Variants in ZNF727 observed in about 807,000 individuals in gnomAD.
ZNF727 encodes zinc finger protein 727.
In ZNF727, 11 loss-of-function variants were observed where a neutral mutation model predicts 11.5. That is an observed-to-expected ratio of 0.95 (90% CI 0.60 to 1.58). ZNF727 has a LOEUF of 1.58. ZNF727 is among the 40% of genes most tolerant of loss of function. ZNF727 has a pLI of 0.00. For synonymous variants in ZNF727, 171 were observed against 196.1 expected, an observed-to-expected ratio of 0.87 and a Z score of 1.07; for missense variants, 533 against 581.7, an observed-to-expected ratio of 0.92 and a Z score of 0.86.
In ZNF727 at chr7:64,077,721, A is replaced by C. The variant is rs1785700355; in HGVS notation, c.672A>C (p.Gly224=). The C allele has an allele frequency of 6.3e-7, 1 of 1,581,554 alleles. No homozygotes were observed. Among genetic ancestry groups the C allele is most frequent in the African/African-American group, 1.4e-5 (1 of 73,838 alleles). The part of the protein sequence containing the change: ...NLTEHNRVHT[G]KKPYKCEECG... ...CTGAACATAATAGAGTTCATACTGG[A>C]AAGAAACCCTACAAATGTGAAGAAT... is the stretch of plus-strand genomic sequence containing the variant. Residue 224 remains glycine, a synonymous_variant, in exon 4 of 4, where the codon GGA becomes GGC. Coordinates refer to ENST00000456806, the MANE Select transcript of ZNF727 (RefSeq NM_001159522.3).
intron 3 of ZNF727, among the ~76,000 whole-genome samples, chr7:64,075,909 A>C (rs995736716): frequency 6.6e-6 from 1 of 152,198 alleles, no homozygotes; most frequent in Non-Finnish European, 1.5e-5. Context: ...AAAATACCAA[A>C]ATATGTGCTC....
intron 1 of ZNF727, among the ~76,000 whole-genome samples, chr7:64,057,403 A>G (rs1267383521): frequency 6.6e-6 from 1 of 152,200 alleles, no homozygotes; most frequent in Non-Finnish European, 1.5e-5. Context: ...CATGTTCTTG[A>G]CAAGGACATG....
At position 64,045,456 on chromosome 7, in the gene ZNF727, C is replaced by G. The variant is rs572456571; in HGVS notation, c.-166C>G. 1.5e-4 allele frequency: 144 copies of G among 986,868 alleles called. No individual in the cohort carries two copies. In the South Asian group the frequency reaches 1.8e-3, roughly 13 times the overall value. The allele number at this position is 986,868 out of a possible 1,614,324, so 61.1% of individuals were successfully genotyped here. ...GGCGGGCTCTTCAATATGGCAAGGC[C>G]TTCGTCTCCTAGCTTCTAGGCTCTG... On this transcript the variant is annotated 5_prime_UTR_variant, in exon 1 of 4. Transcript: ENST00000456806.
chr7:64,074,774 T>G (rs1385119118), intron 3 of ZNF727, among the ~76,000 whole-genome samples: 1 of 152,170 alleles, frequency 6.6e-6, no homozygotes, highest in Non-Finnish European at 1.5e-5. Flanking sequence ...GAAATGCCTG[T>G]ACTGTGGAAT....
At chr7:64,073,612 C>CT (rs1385124320) in intron 3 of ZNF727, among the ~76,000 whole-genome samples, 2 of 151,802 alleles carry the variant, frequency 1.3e-5, no homozygotes, top group East Asian at 1.9e-4. Flanking sequence ...TCATGTCATC[C>CT]TTTTTTGAAA....
At chr7:64,045,763 T>G (rs974311780) in intron 1 of ZNF727, 139 bp downstream of exon 1, 7 of 1,108,002 alleles carry the variant, frequency 6.3e-6, no homozygotes, top group African/African-American at 1.6e-5. Context: ...CAGTCCTCAC[T>G]TCCCTCCGTC....
chr7:64,071,937 T>C (rs1261185304), intron 3 of ZNF727, among the ~76,000 whole-genome samples: 2 of 152,108 alleles, frequency 1.3e-5, no homozygotes, highest in Non-Finnish European at 2.9e-5. Flanking sequence ...TCCACTGATA[T>C]CGGTGTGCAT....
chr7:64,062,696 A>ATATATATATATATATATATATATATG (rs1789791711), intron 1 of ZNF727, among the ~76,000 whole-genome samples: 2 of 143,426 alleles, frequency 1.4e-5, no homozygotes, highest in Non-Finnish European at 3.1e-5. Context: ...ATATATATAT[A>ATATATATATATATATATATATATATG]TATATATGAA....
chr7:64,061,967 C>T (rs1164063804), intron 1 of ZNF727, among the ~76,000 whole-genome samples: 2 of 151,966 alleles, frequency 1.3e-5, no homozygotes, highest in Admixed American at 6.6e-5. Context: ...AATGAACAAA[C>T]AAGCAAAGAG....
intron 3 of ZNF727, among the ~76,000 whole-genome samples, chr7:64,071,436 A>T (rs1449838238): frequency 6.6e-6 from 1 of 151,676 alleles, no homozygotes; most frequent in Non-Finnish European, 1.5e-5. Flanking sequence ...TTAGTCCTTG[A>T]CTTATTTTTA....
chr7:64,068,740 A>G (rs899615020), intron 1 of ZNF727, 151 bp from the exon 2 acceptor site: 11 of 942,228 alleles, frequency 1.2e-5, no homozygotes, highest in South Asian at 6.9e-5. Context: ...TTAAAAATAC[A>G]TTAGAGAATA....
At position 64,081,960 on chromosome 7, in the gene ZNF727, C is replaced by T. The variant is rs1033981370; in HGVS notation, c.*3411C>T. Among the ~76,000 whole-genome samples, 17 of 151,942 alleles carry T rather than the reference C, an allele frequency of 1.1e-4. No individual in the cohort carries two copies. Among genetic ancestry groups the T allele is most frequent in the African/African-American group, 3.4e-4 (14 of 41,366 alleles). ...AGGCCAGCAATCACTCAGTGCAGTC[C>T]GACCAGGATGGAGGATCTGTGCTTT... On this transcript the variant is annotated 3_prime_UTR_variant, in exon 4 of 4. Transcript: ENST00000456806.
At chr7:64,052,566 C>T (rs1789619424) in intron 1 of ZNF727, among the ~76,000 whole-genome samples, 1 of 152,002 alleles carries the variant, frequency 6.6e-6, no homozygotes, top group Non-Finnish European at 1.5e-5. Flanking sequence ...GGGGTCAGAG[C>T]CCCCACACAA....
intron 1 of ZNF727, among the ~76,000 whole-genome samples, chr7:64,054,033 C>G (rs1429661873): frequency 6.6e-6 from 1 of 152,186 alleles, no homozygotes; most frequent in Non-Finnish European, 1.5e-5. Context: ...GGCATAAATA[C>G]CCTAACCATG....
At chr7:64,071,326 T>C (rs1431143882) in intron 3 of ZNF727, among the ~76,000 whole-genome samples, 1 of 152,086 alleles carries the variant, frequency 6.6e-6, no homozygotes, top group Non-Finnish European at 1.5e-5. Flanking sequence ...TAAAGTAATA[T>C]CTCACCATGA....
At chr7:64,067,817 A>T (rs1474414395) in intron 1 of ZNF727, among the ~76,000 whole-genome samples, 1 of 152,128 alleles carries the variant, frequency 6.6e-6, no homozygotes, top group African/African-American at 2.4e-5. Context: ...CGACAGGTTG[A>T]TAGGTGCAGC....
At chr7:64,070,946 G>A (rs1421776412) in intron 3 of ZNF727, among the ~76,000 whole-genome samples, 2 of 151,808 alleles carry the variant, frequency 1.3e-5, no homozygotes, top group Admixed American at 6.6e-5. Flanking sequence ...AGAATGTCAG[G>A]GTTTTATTAT....
chr7:64,047,395 A>G (rs1789525039), intron 1 of ZNF727, among the ~76,000 whole-genome samples: 1 of 152,214 alleles, frequency 6.6e-6, no homozygotes, highest in Non-Finnish European at 1.5e-5. Context: ...ATTTCACATA[A>G]CAGGAAAGCA....
At chr7:64,077,222 T>C in intron 3 of ZNF727, 54 bp from the exon 4 acceptor site, 1 of 1,426,758 alleles carries the variant, frequency 7.0e-7, no homozygotes, top group Non-Finnish European at 9.3e-7. Flanking sequence ...TTGTAAAGTG[T>C]ATTCACCTAA....
Sources: gnomAD v4.1 joint callset for allele counts (sites outside exome capture counted in the v4.1 genomes callset) on GRCh38, gnomAD v4.1.1 for gene constraint, MANE v1.5 for transcripts, NCBI Gene and HGNC (gene_info 2026-07-23, HGNC 2026-07-21) for gene names.